SLC26A3: variants seen among roughly 807,000 people sequenced by gnomAD.
The protein encoded by SLC26A3 is chloride anion exchanger.
Under a neutral mutation model 85.6 loss-of-function variants are expected in SLC26A3, and 64 were observed. The ratio of observed to expected loss-of-function variants is 0.75; its 90% CI spans 0.61 to 0.92. The LOEUF (loss-of-function observed/expected upper bound fraction) is 0.92. Among genes scored for constraint, SLC26A3 ranks in the 40% least tolerant of loss-of-function variants. The pLI, the probability that SLC26A3 is intolerant of heterozygous loss-of-function variation, is 0.00. For synonymous variants in SLC26A3, 349 were observed against 336.0 expected, an observed-to-expected ratio of 1.04 and a Z score of -0.42; for missense variants, 922 against 927.3, an observed-to-expected ratio of 0.99 and a Z score of 0.07.
intron 8 of SLC26A3, among the ~76,000 whole-genome samples, chr7:107,784,718 C>T (rs1402061989): frequency 6.6e-6 from 1 of 152,236 alleles, no homozygotes; most frequent in Non-Finnish European, 1.5e-5. Context: ...AGACGTGAGC[C>T]ATGGCGCCCG....
rs1794465087 is a variant in SLC26A3 at position 107,794,612 on chromosome 7, AGCTT to A, written c.-88-19_-88-16del. The A allele has an allele frequency of 8.0e-7, 1 of 1,248,152 alleles. No individual in the cohort carries two copies. Among genetic ancestry groups the A allele is most frequent in the Non-Finnish European group, 1.2e-6 (1 of 849,808 alleles). 77.3% of individuals were successfully genotyped at this position (1,248,152 alleles called of 1,614,324 possible). ...GTTAAAAATGCCTGAAACCAAACAG[AGCTT>A]GCTTCTTAAATAACTCAGAGATAAT... On this transcript the variant is annotated splice_polypyrimidine_tract_variant and intron_variant, in intron 1 of 20. Transcript: ENST00000340010.
intron 16 of SLC26A3, 146 bp from the exon 17 acceptor site, chr7:107,774,299 C>A: frequency 1.4e-6 from 1 of 723,318 alleles, no homozygotes. Flanking sequence ...TGCCTGTCAT[C>A]CCAGCACTTT....
At chr7:107,785,278 A>G (rs1169140043) in intron 8 of SLC26A3, among the ~76,000 whole-genome samples, 2 of 152,186 alleles carry the variant, frequency 1.3e-5, no homozygotes, top group Non-Finnish European at 2.9e-5. Context: ...GTTTTTGGTA[A>G]TGTGCTCAAG....
chr7:107,782,051 G>C (rs1385163660), intron 11 of SLC26A3, among the ~76,000 whole-genome samples: 2 of 152,120 alleles, frequency 1.3e-5, no homozygotes, highest in Non-Finnish European at 2.9e-5. Flanking sequence ...GGTTCAGCAA[G>C]GTTAAGTAAT....
chr7:107,772,720 C>G (rs896232654), intron 17 of SLC26A3, among the ~76,000 whole-genome samples: 18 of 152,020 alleles, frequency 1.2e-4, no homozygotes, highest in African/African-American at 4.3e-4. Flanking sequence ...AGAATTAGAG[C>G]CCCTGTCCTT....
At chr7:107,768,175 A>C (rs1163732740) in intron 18 of SLC26A3, among the ~76,000 whole-genome samples, 1 of 152,230 alleles carries the variant, frequency 6.6e-6, no homozygotes, top group Non-Finnish European at 1.5e-5. Flanking sequence ...AGTAGTTCCT[A>C]GAAGAAAATT....
At chr7:107,787,269 C>G in intron 7 of SLC26A3, 88 bp downstream of exon 7, 1 of 1,451,642 alleles carries the variant, frequency 6.9e-7, no homozygotes, top group Non-Finnish European at 9.7e-7. Flanking sequence ...CTCTGCCCCA[C>G]TAAAACTTCC....
rs559222789 is a variant in SLC26A3, at chr7:107,776,729, T to A, written c.1515-23A>T. 169 of 1,605,846 alleles carry A rather than the reference T, an allele frequency of 1.1e-4. 3 individuals are homozygous for A. The South Asian group carries it at 1.2e-3, about 11-fold the overall frequency. The stretch of plus-strand genomic sequence containing the variant: ...GGACTGTAGGGAGAAAAACACCAAG[T>A]AAATCATTCATGTATGTTTGTTAAG... On this transcript the variant is annotated intron_variant, in intron 13 of 20. Transcript: ENST00000340010.
rs1236716268 is a variant in SLC26A3 at position 107,772,234 on chromosome 7, AGATAATAGT to A, written c.2008-135_2008-127del. On this transcript the variant is annotated intron_variant, in intron 17 of 20. Coordinates refer to ENST00000340010, the MANE Select transcript of SLC26A3 (RefSeq NM_000111.3). ...TTAGAAGCTTTAACATTTTGAAAAG[AGATAATAGT>A]GTCAGAAGATACTAAAGTTAAAAAC... 58 of 676,622 alleles carry A rather than the reference AGATAATAGT, an allele frequency of 8.6e-5. No individual in the cohort carries two copies. The Admixed American group carries it at 1.2e-3, about 13-fold the overall frequency. 41.9% of individuals were successfully genotyped at this position (676,622 alleles called of 1,614,324 possible).
At chr7:107,787,601 A>T in intron 6 of SLC26A3, 92 bp from the exon 7 acceptor site, 1 of 1,136,076 alleles carries the variant, frequency 8.8e-7, no homozygotes, top group Non-Finnish European at 1.3e-6. Context: ...TAAACATGGA[A>T]GCAAAAAGAC....
At chr7:107,774,681 A>G (rs1794081487) in intron 16 of SLC26A3, 96 bp downstream of exon 16, 2 of 909,648 alleles carry the variant, frequency 2.2e-6, no homozygotes, top group South Asian at 2.6e-5. Flanking sequence ...TCCCTTGTTT[A>G]TCTGGCATTT....
rs1391298095 is a variant in SLC26A3 at position 107,778,382 on chromosome 7, C to T, written c.1408-101G>A. On this transcript the variant is annotated intron_variant, in intron 12 of 20. Transcript: ENST00000340010. ...AGACTTTTTTTTTTTTTTTTTGTAG[C>T]GACAGTGAGACCTTGTCCCTATAAA... The T allele has an allele frequency of 2.1e-5, 9 of 418,916 alleles. 1 individual carries two copies. The highest frequency in any genetic ancestry group is 3.6e-5 in the Non-Finnish European group (9 of 253,264). 25.9% of individuals were successfully genotyped at this position (418,916 alleles called of 1,614,324 possible).
chr7:107,798,622 C>G lies in SLC26A3; in HGVS notation c.-88-4025G>C, dbSNP rs568658959. On this transcript the variant is annotated intron_variant, in intron 1 of 20. Transcript: ENST00000340010. ...CGGTCATTTGAAACCAGCAGACAAG[C>G]AAGGGTGCAGAACACTTCCCAGCCC... 3.3e-5 allele frequency among the ~76,000 whole-genome samples: 5 copies of G among 152,220 alleles called. No homozygotes were observed. The South Asian group carries it at 1.0e-3, about 32-fold the overall frequency.
At position 107,789,626 on chromosome 7, in the gene SLC26A3, A is replaced by G. The variant is rs1349570555; in HGVS notation, c.633T>C (p.Ser211=). 2 of 1,614,136 alleles carry G rather than the reference A, an allele frequency of 1.2e-6. No individual in the cohort carries two copies. The highest frequency in any genetic ancestry group is 2.2e-5 in the South Asian group (2 of 91,062). The part of the protein sequence containing the change: ...VVIYLSESLI[S]GFTTAAAVHV... ...GAACAGCAGCAGCAGTAGTGAAGCC[A>G]CTGATGAGGGACTCAGACAGGTATA... is the stretch of plus-strand genomic sequence containing the variant. Residue 211 remains serine, a synonymous_variant, in exon 6 of 21, where the codon AGT becomes AGC. Transcript: ENST00000340010.
At chr7:107,780,762 A>T (rs1480423600) in intron 11 of SLC26A3, among the ~76,000 whole-genome samples, 3 of 152,212 alleles carry the variant, frequency 2.0e-5, no homozygotes, top group Non-Finnish European at 4.4e-5. Flanking sequence ...AGTTTAGAAG[A>T]AATATGGTCT....
chr7:107,794,369 A>T lies in SLC26A3; in HGVS notation c.131+10T>A. The T allele has an allele frequency of 6.2e-7, 1 of 1,613,886 alleles. No individual in the cohort carries two copies. Among genetic ancestry groups the T allele is most frequent in the Non-Finnish European group, 8.5e-7 (1 of 1,179,872 alleles). Reference sequence around the variant, plus strand: ...TATTCCTAATGCCAATACCTTAAAAAATATCTTACCTACAACACACTTTGA... The same window carrying T: ...TATTCCTAATGCCAATACCTTAAAATATATCTTACCTACAACACACTTTGA... On this transcript the variant is annotated intron_variant, in intron 2 of 20. Coordinates refer to ENST00000340010, the MANE Select transcript of SLC26A3 (RefSeq NM_000111.3).
chr7:107,770,224 T>C, intron 18 of SLC26A3, among the ~76,000 whole-genome samples: 2 of 20,162 alleles, frequency 9.9e-5, no homozygotes, highest in Non-Finnish European at 2.2e-4. Flanking sequence ...TTTTTTTTTT[T>C]TTTTTTTTTT....
chr7:107,797,958 C>A (rs894991563), intron 1 of SLC26A3, among the ~76,000 whole-genome samples: 2 of 151,986 alleles, frequency 1.3e-5, no homozygotes, highest in East Asian at 1.9e-4. Context: ...AATGTAAAAG[C>A]CTTTTCATGT....
chr7:107,785,225 A>G (rs1202636960), intron 8 of SLC26A3, among the ~76,000 whole-genome samples: 2 of 152,166 alleles, frequency 1.3e-5, no homozygotes, highest in Non-Finnish European at 2.9e-5. Flanking sequence ...GATAGCTATT[A>G]TTTTTAGCCT....
Sources: allele counts gnomAD v4.1 joint callset (sites outside exome capture counted in the v4.1 genomes callset), GRCh38; gene constraint gnomAD v4.1.1; transcripts MANE v1.5; gene names NCBI Gene and HGNC (gene_info 2026-07-23, HGNC 2026-07-21).